Variants in PHIP observed in about 807,000 individuals in gnomAD.
PHIP encodes the protein PH-interacting protein.
In PHIP, 54 loss-of-function variants were observed where a neutral mutation model predicts 236.8. The observed-to-expected ratio is 0.23, with a 90% confidence interval of 0.18 to 0.29. The LOEUF (loss-of-function observed/expected upper bound fraction) is 0.29, where lower values mean the gene tolerates loss of function less well. Among genes scored for constraint, PHIP ranks in the 10% least tolerant of loss-of-function variants. The pLI is 1.00. For synonymous variants in PHIP, 756 were observed against 718.9 expected (o/e 1.05, Z -0.83); for missense variants, 1,370 against 2,190.8 (o/e 0.63, Z 7.48).
At chr6:79,047,356 A>G (rs1772551983) in intron 6 of PHIP, among the ~76,000 whole-genome samples, 5 of 152,136 alleles carry the variant, frequency 3.3e-5, no homozygotes, top group Non-Finnish European at 7.4e-5. Flanking sequence ...ACACCTAGTT[A>G]TTTTTCGAGA....
At chr6:78,963,366 T>G (rs1207180377) in intron 29 of PHIP, 114 bp from the exon 30 acceptor site, 1 of 717,670 alleles carries the variant, frequency 1.4e-6, no homozygotes, top group Non-Finnish European at 2.2e-6. Flanking sequence ...TATAGATTTG[T>G]AAATATACTC....
intron 17 of PHIP, among the ~76,000 whole-genome samples, chr6:79,000,610 A>G (rs1249682457): frequency 6.6e-6 from 1 of 152,072 alleles, no homozygotes; most frequent in Non-Finnish European, 1.5e-5. Flanking sequence ...GTAGCTATCT[A>G]TTTTGAGGCT....
At position 78,958,372 on chromosome 6, in the gene PHIP, T is replaced by TA. The variant is rs1766563935; in HGVS notation, c.3782+102dup. On this transcript the variant is annotated intron_variant, in intron 32 of 39. Transcript: ENST00000275034. The stretch of plus-strand genomic sequence containing the variant: ...CCAGCTGAGCTATTTTGGCTACTCT[T>TA]AAATGTTTCTTCTTTACAAACAGTA... The TA allele has an allele frequency of 3.9e-6, 3 of 776,256 alleles. No individual in the cohort carries two copies. In the African/African-American group the frequency reaches 5.3e-5, roughly 14 times the overall value. The allele number at this position is 776,256 out of a possible 1,614,324, so 48.1% of individuals were successfully genotyped here.
intron 4 of PHIP, among the ~76,000 whole-genome samples, chr6:79,070,748 A>T (rs1412319473): frequency 3.3e-5 from 5 of 152,166 alleles, no homozygotes; most frequent in Non-Finnish European, 7.4e-5. Flanking sequence ...TTTTCGTATA[A>T]CCTTTACACT....
chr6:79,013,846 G>A (rs1165501305), intron 15 of PHIP, among the ~76,000 whole-genome samples: 1 of 151,262 alleles, frequency 6.6e-6, no homozygotes, highest in African/African-American at 2.4e-5. Context: ...TTTTTTTTAA[G>A]CTATAAAGAC....
At chr6:78,978,566 T>C (rs369690388) in intron 24 of PHIP, 26 bp downstream of exon 24, 8 of 1,543,494 alleles carry the variant, frequency 5.2e-6, no homozygotes, top group South Asian at 5.0e-5. Flanking sequence ...TGAGGAAAAA[T>C]GGATAATTTA....
At chr6:78,992,598 T>C (rs1431472097) in intron 19 of PHIP, among the ~76,000 whole-genome samples, 1 of 152,178 alleles carries the variant, frequency 6.6e-6, no homozygotes, top group African/African-American at 2.4e-5. Flanking sequence ...TCTTAAAATA[T>C]TTCTGGCTTT....
rs1403984023 is a variant in PHIP at position 78,939,762 on chromosome 6, C to T, written c.*931G>A. The T allele has an allele frequency of 6.6e-6, 1 of 152,234 alleles. No homozygotes were observed. The highest frequency in any genetic ancestry group is 2.4e-5 in the African/African-American group (1 of 41,426). 9.4% of individuals were successfully genotyped at this position (152,234 alleles called of 1,614,324 possible). On this transcript the variant is annotated 3_prime_UTR_variant, in exon 40 of 40. Transcript: ENST00000275034. The stretch of plus-strand genomic sequence containing the variant: ...CTTTTTTCCTGTATTTTCCTTGAAT[C>T]CTTTAACCACTTAAACATTTCCTCT...
chr6:78,962,993 AC>A (rs1766883445), intron 30 of PHIP, 103 bp downstream of exon 30: 1 of 925,306 alleles, frequency 1.1e-6, no homozygotes, highest in Non-Finnish European at 1.6e-6. Flanking sequence ...GAAACCACTG[AC>A]TTAGGATATT....
At chr6:78,985,623 T>C (rs900068750) in intron 21 of PHIP, among the ~76,000 whole-genome samples, 195 bp from the exon 22 acceptor site, 1 of 152,122 alleles carries the variant, frequency 6.6e-6, no homozygotes, top group African/African-American at 2.4e-5. Flanking sequence ...GGCAGATCAC[T>C]TAAGGTTAGG....
rs536636998 is a variant in PHIP at position 79,058,981 on chromosome 6, G to A, written c.439+1497C>T. Among the ~76,000 whole-genome samples, 9 of 151,784 alleles carry A rather than the reference G, an allele frequency of 5.9e-5. No individual in the cohort carries two copies. In the East Asian group the frequency reaches 7.7e-4, roughly 13 times the overall value. On this transcript the variant is annotated intron_variant, in intron 6 of 39. Transcript: ENST00000275034. ...CTTTTCTAAGTACAAATATACCCTC[G>A]TCTCTCAAATTTTTTTGTTGTTTTA...
chr6:79,066,487 A>C (rs1773627065), intron 4 of PHIP, among the ~76,000 whole-genome samples: 1 of 152,232 alleles, frequency 6.6e-6, no homozygotes, highest in South Asian at 2.1e-4. Context: ...TACAATTCAT[A>C]CTATCACACA....
chr6:78,962,121 G>C (rs1237311337), intron 30 of PHIP, among the ~76,000 whole-genome samples: 1 of 152,072 alleles, frequency 6.6e-6, no homozygotes, highest in African/African-American at 2.4e-5. Context: ...GGCCATTCCT[G>C]AATCTATATT....
chr6:79,006,911 T>G (rs1770320453), intron 15 of PHIP, among the ~76,000 whole-genome samples: 1 of 151,990 alleles, frequency 6.6e-6, no homozygotes, highest in Admixed American at 6.6e-5. Flanking sequence ...CCAGTAACTG[T>G]GAAAACTTCA....
chr6:78,990,804 G>A, intron 20 of PHIP, 64 bp downstream of exon 20: 1 of 801,208 alleles, frequency 1.2e-6, no homozygotes, highest in Non-Finnish European at 2.0e-6. Context: ...TTACAAAATG[G>A]AGCCTTAAAA....
chr6:79,012,097 C>T (rs1770608637), intron 15 of PHIP, among the ~76,000 whole-genome samples: 1 of 151,592 alleles, frequency 6.6e-6, no homozygotes, highest in African/African-American at 2.4e-5. Context: ...AAAGAATTTA[C>T]ATTTCCATAA....
chr6:79,040,836 A>G (rs1245312765), intron 7 of PHIP, among the ~76,000 whole-genome samples: 2 of 152,136 alleles, frequency 1.3e-5, no homozygotes, highest in East Asian at 3.8e-4. Flanking sequence ...AAAATTACAA[A>G]TGAGACTGAA....
intron 10 of PHIP, 117 bp from the exon 11 acceptor site, chr6:79,017,700 A>G: frequency 1.5e-6 from 1 of 661,790 alleles, no homozygotes; most frequent in Non-Finnish European, 2.6e-6. Context: ...TTTACTCCAA[A>G]ACCATTCACA....
At position 78,997,433 on chromosome 6, in the gene PHIP, G is replaced by A; in HGVS notation, c.2182C>T (p.Leu728=). The part of the protein sequence containing the change: ...AWSRRVVVPE[L]SAGVASRQEE... The stretch of plus-strand genomic sequence containing the variant: ...CCTTACCTGGCTACACCAGCTGATA[G>A]CTCGGGTACTACCACCCTTCGACTC... The change falls in exon 19 of 40, where the codon CTA becomes TTA. Residue 728 remains leucine (L), a synonymous_variant. Coordinates refer to ENST00000275034, the MANE Select transcript of PHIP (RefSeq NM_017934.7). 6.2e-7 allele frequency: 1 copy of A among 1,613,722 alleles called. No individual in the cohort carries two copies.
Sources: gnomAD v4.1 joint callset for allele counts (sites outside exome capture counted in the v4.1 genomes callset) on GRCh38, gnomAD v4.1.1 for gene constraint, MANE v1.5 for transcripts, NCBI Gene and HGNC (gene_info 2026-07-23, HGNC 2026-07-21) for gene names.